Variants in DCDC1 observed in about 807,000 individuals in gnomAD.
DCDC1 encodes the protein doublecortin domain containing 1.
DCDC1 carries 200 observed loss-of-function variants against 178.3 expected under a neutral mutation model. The observed-to-expected ratio is 1.12, with a 90% CI of 1.00 to 1.26. The LOEUF is 1.26. Among genes scored for constraint, DCDC1 ranks in the 50% most tolerant of loss-of-function variants. The pLI, the probability that DCDC1 is intolerant of heterozygous loss-of-function variation, is 0.00. For missense variants in DCDC1, 1,983 were observed against 1,749.2 expected (o/e 1.13, Z -2.38); for synonymous variants, 690 against 604.8 (o/e 1.14, Z -2.07).
intron 8 of DCDC1, among the ~76,000 whole-genome samples, chr11:31,253,054 C>CTTCTAGCT (rs1944161582): frequency 6.6e-6 from 1 of 152,114 alleles, no homozygotes; most frequent in Admixed American, 6.6e-5. Context: ...ATATGAGAAT[C>CTTCTAGCT]TTCTAGCTTT....
intron 23 of DCDC1, among the ~76,000 whole-genome samples, chr11:30,924,179 C>CT (rs1946446988): frequency 6.6e-6 from 1 of 152,168 alleles, no homozygotes; most frequent in African/African-American, 2.4e-5. Flanking sequence ...AATTCATTCT[C>CT]TAAAAAACCC....
At chr11:30,880,443 C>T (rs1009670618) in intron 37 of DCDC1, among the ~76,000 whole-genome samples, 1 of 152,100 alleles carries the variant, frequency 6.6e-6, no homozygotes, top group East Asian at 1.9e-4. Flanking sequence ...ACATTACATA[C>T]AACATAGTAA....
chr11:31,308,939 C>T (rs2137625140), intron 3 of DCDC1, among the ~76,000 whole-genome samples: 2 of 151,822 alleles, frequency 1.3e-5, no homozygotes, highest in South Asian at 4.2e-4. Context: ...CAAACACACC[C>T]CCAATTATAA....
At chr11:30,952,637 A>G (rs371457641) in intron 20 of DCDC1, 69 bp from the exon 21 acceptor site, 10 of 642,122 alleles carry the variant, frequency 1.6e-5, no homozygotes, top group Middle Eastern at 2.9e-4. Flanking sequence ...TATTCATTTT[A>G]TTCATTGAGT....
chr11:30,981,911 T>C (rs998926045), intron 20 of DCDC1, among the ~76,000 whole-genome samples: 19 of 152,058 alleles, frequency 1.2e-4, no homozygotes, highest in African/African-American at 4.3e-4. Context: ...GAAGCAAAGA[T>C]AAAGGGATTG....
At chr11:31,047,786 A>C (rs1454533236) in intron 20 of DCDC1, among the ~76,000 whole-genome samples, 1 of 152,162 alleles carries the variant, frequency 6.6e-6, no homozygotes, top group Non-Finnish European at 1.5e-5. Flanking sequence ...AATTCTCTAC[A>C]TCCTATGATA....
chr11:31,041,702 A>G (rs1313510674), intron 20 of DCDC1, among the ~76,000 whole-genome samples: 3 of 152,180 alleles, frequency 2.0e-5, no homozygotes, highest in African/African-American at 4.8e-5. Flanking sequence ...TATACCTCAT[A>G]TGGCAGAAGG....
At chr11:31,212,975 C>A (rs71487989) in intron 9 of DCDC1, among the ~76,000 whole-genome samples, 2 of 151,894 alleles carry the variant, frequency 1.3e-5, no homozygotes, top group Non-Finnish European at 2.9e-5. Context: ...CTCCTGGATG[C>A]CTCTGCCCTC....
intron 9 of DCDC1, among the ~76,000 whole-genome samples, chr11:31,205,840 T>C (rs1317631966): frequency 6.6e-6 from 1 of 152,222 alleles, no homozygotes; most frequent in Non-Finnish European, 1.5e-5. Context: ...GACATACTTA[T>C]GCTAAAAATT....
At position 31,127,587 on chromosome 11, in the gene DCDC1, T is replaced by C. The variant is rs530946371; in HGVS notation, c.1367A>G (p.His456Arg). Reference protein sequence around the residue: ...LQTAIKSNIGHLCKLGPQLQA... With the variant: ...LQTAIKSNIGRLCKLGPQLQA... ...TAATTGGGGGCCAAGTTTACAGAGATGACCTATGTTACTTTTGATAGCTGT... is the reference window on the plus strand; with the variant it reads ...TAATTGGGGGCCAAGTTTACAGAGACGACCTATGTTACTTTTGATAGCTGT... Residue 456 changes from histidine (H) to arginine (R), a missense_variant, in exon 11 of 39, where the codon CAT becomes CGT. Physicochemically the swap from His to Arg is conservative, Grantham distance 29. Coordinates refer to ENST00000684477, the MANE Select transcript of DCDC1 (RefSeq NM_001387274.1). 7 of 702,710 alleles carry C rather than the reference T, an allele frequency of 1.0e-5. No individual in the cohort carries two copies. Among genetic ancestry groups the C allele is most frequent in the South Asian group, 4.4e-5 (3 of 67,586 alleles). The allele number at this position is 702,710 out of a possible 1,614,324, so 43.5% of individuals were successfully genotyped here.
At chr11:30,945,177 C>T (rs1947934635) in intron 21 of DCDC1, among the ~76,000 whole-genome samples, 3 of 151,448 alleles carry the variant, frequency 2.0e-5, no homozygotes, top group Non-Finnish European at 4.4e-5. Flanking sequence ...CTATGTTGGT[C>T]AGGCTGGTCT....
intron 11 of DCDC1, among the ~76,000 whole-genome samples, chr11:31,116,796 T>C (rs1960030239): frequency 6.6e-6 from 1 of 152,114 alleles, no homozygotes; most frequent in African/African-American, 2.4e-5. Context: ...TCCCAGGAAA[T>C]GAAAATGCAC....
chr11:30,978,507 G>T (rs537594055), intron 20 of DCDC1, among the ~76,000 whole-genome samples: 2 of 151,952 alleles, frequency 1.3e-5, no homozygotes, highest in Admixed American at 1.3e-4. Flanking sequence ...CATAATATTT[G>T]TACATATTTA....
At chr11:31,037,270 T>C (rs1053463541) in intron 20 of DCDC1, among the ~76,000 whole-genome samples, 5 of 152,178 alleles carry the variant, frequency 3.3e-5, no homozygotes, top group African/African-American at 1.2e-4. Flanking sequence ...TTTTCTAAAC[T>C]TGGTTTTTCC....
chr11:31,032,915 G>C (rs1169671264), intron 20 of DCDC1, among the ~76,000 whole-genome samples: 2 of 152,054 alleles, frequency 1.3e-5, no homozygotes, highest in African/African-American at 4.8e-5. Flanking sequence ...CAATTTAGTG[G>C]ATCTATTTTA....
chr11:31,113,683 C>A (rs1272144296), intron 11 of DCDC1, among the ~76,000 whole-genome samples: 6 of 152,050 alleles, frequency 3.9e-5, no homozygotes, highest in Non-Finnish European at 7.4e-5. Context: ...TTAATCCAGT[C>A]TATCATTGAT....
intron 3 of DCDC1, among the ~76,000 whole-genome samples, chr11:31,325,355 G>C (rs1044433378): frequency 2.0e-5 from 3 of 152,080 alleles, no homozygotes; most frequent in Non-Finnish European, 4.4e-5. Flanking sequence ...GTTTACTATT[G>C]TGCTACTTTC....
intron 9 of DCDC1, among the ~76,000 whole-genome samples, chr11:31,238,012 A>G (rs888582879): frequency 3.9e-5 from 6 of 152,054 alleles, no homozygotes; most frequent in Non-Finnish European, 5.9e-5. Flanking sequence ...TATGCAATCT[A>G]TAAGAACTGT....
At chr11:31,222,637 G>T (rs1420396917) in intron 9 of DCDC1, among the ~76,000 whole-genome samples, 1 of 152,170 alleles carries the variant, frequency 6.6e-6, no homozygotes, top group Non-Finnish European at 1.5e-5. Flanking sequence ...CTGGAAGCTG[G>T]AAGCTTAAGA....
Sources: gnomAD v4.1 joint callset for allele counts (sites outside exome capture counted in the v4.1 genomes callset) on GRCh38, gnomAD v4.1.1 for gene constraint, MANE v1.5 for transcripts, NCBI Gene and HGNC (gene_info 2026-07-23, HGNC 2026-07-21) for gene names.